FAF1: variants seen among roughly 807,000 people sequenced by gnomAD.
FAF1 encodes FAS-associated factor 1.
FAF1 carries 25 observed loss-of-function variants against 92.5 expected under a neutral mutation model. That is an observed-to-expected ratio of 0.27 (90% CI 0.20 to 0.38). The LOEUF (loss-of-function observed/expected upper bound fraction) is 0.38, where lower values mean the gene tolerates loss of function less well. Ranked by LOEUF, FAF1 falls within the 10% of genes least tolerant of loss-of-function variation. The probability of loss-of-function intolerance (pLI) is 1.00; values close to 1 mark genes in which losing one functional copy is unlikely to be tolerated. For missense variants in FAF1, 636 were observed against 793.3 expected (o/e 0.80, Z 2.38); for synonymous variants, 234 against 273.2 (o/e 0.86, Z 1.42).
chr1:50,499,043 A>G (rs1646945138), intron 15 of FAF1, among the ~76,000 whole-genome samples: 1 of 152,196 alleles, frequency 6.6e-6, no homozygotes, highest in Admixed American at 6.5e-5. Context: ...TTATTTAGCT[A>G]TAAAAAGATT....
At chr1:50,499,558 T>A (rs1360574310) in intron 15 of FAF1, among the ~76,000 whole-genome samples, 2 of 152,026 alleles carry the variant, frequency 1.3e-5, no homozygotes, top group African/African-American at 2.4e-5. Flanking sequence ...GAAAAATTAA[T>A]AAAAGGCATC....
intron 8 of FAF1, among the ~76,000 whole-genome samples, chr1:50,646,652 C>T (rs1445072252): frequency 6.6e-6 from 1 of 152,138 alleles, no homozygotes; most frequent in Non-Finnish European, 1.5e-5. Context: ...TAACTGTTAG[C>T]AAAATTGGTT....
In FAF1 at chr1:50,616,109, G is replaced by A. The variant is rs765918280; in HGVS notation, c.745-19893C>T. On this transcript the variant is annotated intron_variant, in intron 8 of 18. Transcript: ENST00000396153. ...TTATCCCAGCACATTTATTGAAAAG[G>A]GAGTCCTTTCCACATTGCTTGTTTT... Among the ~76,000 whole-genome samples, 12 of 152,240 alleles carry A rather than the reference G, an allele frequency of 7.9e-5. No homozygotes were observed. The East Asian group carries it at 1.9e-3, about 24-fold the overall frequency.
intron 5 of FAF1, among the ~76,000 whole-genome samples, chr1:50,741,228 C>A (rs552690701): frequency 6.6e-6 from 1 of 152,208 alleles, no homozygotes; most frequent in East Asian, 1.9e-4. Flanking sequence ...AAAAGAGACA[C>A]CCATGTGAAG....
At chr1:50,639,222 G>A (rs1275302754) in intron 8 of FAF1, among the ~76,000 whole-genome samples, 1 of 152,140 alleles carries the variant, frequency 6.6e-6, no homozygotes, top group African/African-American at 2.4e-5. Context: ...GGTTGCATCT[G>A]GGTTTTGTCT....
intron 9 of FAF1, among the ~76,000 whole-genome samples, chr1:50,591,914 T>A (rs1285726349): frequency 1.3e-5 from 2 of 152,192 alleles, no homozygotes; most frequent in Non-Finnish European, 2.9e-5. Context: ...TGTGACTCAT[T>A]CTTTATAATC....
intron 2 of FAF1, among the ~76,000 whole-genome samples, chr1:50,850,018 G>A (rs918768799): frequency 1.3e-5 from 2 of 151,008 alleles, no homozygotes; most frequent in East Asian, 2.0e-4. Flanking sequence ...AATAGTGTCA[G>A]GTGTCCCTAC....
At chr1:50,573,421 G>C (rs1225580770) in intron 12 of FAF1, among the ~76,000 whole-genome samples, 1 of 151,862 alleles carries the variant, frequency 6.6e-6, no homozygotes, top group Non-Finnish European at 1.5e-5. Context: ...TTAAATATAC[G>C]TGAGAGTGAG....
intron 15 of FAF1, among the ~76,000 whole-genome samples, chr1:50,513,616 A>C (rs1439555440): frequency 6.6e-6 from 1 of 152,214 alleles, no homozygotes; most frequent in African/African-American, 2.4e-5. Flanking sequence ...CAAATCTACC[A>C]TTAACTAAGT....
chr1:50,688,650 T>C (rs915114771), intron 7 of FAF1, among the ~76,000 whole-genome samples: 3 of 152,178 alleles, frequency 2.0e-5, no homozygotes, highest in Admixed American at 6.5e-5. Context: ...CTGTCTCTAC[T>C]AAAAATACAA....
rs967270754 is a variant in FAF1 at position 50,928,138 on chromosome 1, G to A, written c.45+31629C>T. On this transcript the variant is annotated intron_variant, in intron 1 of 18. Transcript: ENST00000396153. ...GTCACCTGCCTAGTAAGTGAGCCCT[G>A]CTTGAGTCCAACATCCATGCTATGG... 3.3e-5 allele frequency among the ~76,000 whole-genome samples: 5 copies of A among 152,284 alleles called. No homozygotes were observed. In the East Asian group the frequency reaches 9.6e-4, roughly 29 times the overall value.
At chr1:50,458,329 A>G (rs1646381981) in intron 18 of FAF1, among the ~76,000 whole-genome samples, 1 of 152,244 alleles carries the variant, frequency 6.6e-6, no homozygotes, top group Admixed American at 6.5e-5. Flanking sequence ...TTTGAGAATC[A>G]AATATTGATA....
Position 50,439,693 on chromosome 1 carries a change from C to G in FAF1, c.*1747G>C, listed in dbSNP as rs1646151553. On this transcript the variant is annotated 3_prime_UTR_variant, in exon 19 of 19. Transcript: ENST00000396153. ...CACAGCAGCTACAGAACAAGGTCTA[C>G]CTAGAAAAAAAAAGAGGTGGTGCCC... The G allele has an allele frequency of 6.6e-6, 1 of 151,834 alleles. No individual in the cohort carries two copies. The highest frequency in any genetic ancestry group is 1.5e-5 in the Non-Finnish European group (1 of 67,956). The allele number at this position is 151,834 out of a possible 1,614,324, so 9.4% of individuals were successfully genotyped here. A position where few individuals can be genotyped will look rare whatever the true frequency, so the allele number is the denominator to read the frequency against.
Position 50,952,725 on chromosome 1 carries a change from G to A in FAF1, c.45+7042C>T, listed in dbSNP as rs1292468246. On this transcript the variant is annotated intron_variant, in intron 1 of 18. Coordinates refer to ENST00000396153, the MANE Select transcript of FAF1 (RefSeq NM_007051.3). ...GGGAGCGCCTCTGCCCCGCCACCCCGTCTGGGAACTGAGGAGCGTCTCTGC... is the reference window on the plus strand; with the variant it reads ...GGGAGCGCCTCTGCCCCGCCACCCCATCTGGGAACTGAGGAGCGTCTCTGC... 2.7e-5 allele frequency among the ~76,000 whole-genome samples: 4 copies of A among 150,688 alleles called. No homozygotes were observed. The South Asian group carries it at 6.3e-4, about 24-fold the overall frequency.
At chr1:50,666,302 T>A (rs1655629287) in intron 7 of FAF1, among the ~76,000 whole-genome samples, 1 of 152,074 alleles carries the variant, frequency 6.6e-6, no homozygotes, top group Admixed American at 6.6e-5. Flanking sequence ...AGCCTGGATC[T>A]CCTGGGCTGA....
At chr1:50,451,962 TCTC>T in intron 18 of FAF1, 6 of 1,152,982 alleles carry the variant, frequency 5.2e-6, no homozygotes, top group Middle Eastern at 3.8e-4. Flanking sequence ...GCTGTAACCT[TCTC>T]CTTGCAGTGG....
In FAF1 at chr1:50,641,933, G is replaced by A. The variant is rs12064190; in HGVS notation, c.744+13509C>T. On this transcript the variant is annotated intron_variant, in intron 8 of 18. Transcript: ENST00000396153. ...TATTCCTTGTTCTGGCCAGGCGCGG[G>A]GGCTCATGCTTGTAATCCTAGCATT... 1.0e-2 allele frequency among the ~76,000 whole-genome samples: 1,514 copies of A among 151,564 alleles called. 24 individuals carry two copies. Among genetic ancestry groups the A allele is most frequent in the African/African-American group, 0.035 (1,435 of 41,332 alleles).
intron 1 of FAF1, among the ~76,000 whole-genome samples, chr1:50,875,936 G>A (rs947657552): frequency 6.6e-6 from 1 of 152,122 alleles, no homozygotes; most frequent in Non-Finnish European, 1.5e-5. Flanking sequence ...TCCTCAAAAA[G>A]ACAACTGGTT....
intron 1 of FAF1, among the ~76,000 whole-genome samples, chr1:50,859,398 C>T (rs1644414896): frequency 6.6e-6 from 1 of 151,726 alleles, no homozygotes; most frequent in African/African-American, 2.4e-5. Context: ...GAACCGATAA[C>T]TTCAGTAAAG....
Sources: allele counts gnomAD v4.1 joint callset (sites outside exome capture counted in the v4.1 genomes callset), GRCh38; gene constraint gnomAD v4.1.1; transcripts MANE v1.5; gene names NCBI Gene and HGNC (gene_info 2026-07-23, HGNC 2026-07-21).